ZSCAN18: variants seen among roughly 807,000 people sequenced by gnomAD.
The protein encoded by ZSCAN18 is zinc finger and SCAN domain containing 18.
A neutral mutation model predicts 31.1 loss-of-function variants in ZSCAN18; 16 were observed. The observed-to-expected ratio is 0.51, with a 90% CI of 0.35 to 0.78. The LOEUF (loss-of-function observed/expected upper bound fraction) is 0.78. Among genes scored for constraint, ZSCAN18 ranks in the 30% least tolerant of loss-of-function variants. The pLI, the probability that ZSCAN18 is intolerant of heterozygous loss-of-function variation, is 0.01. For missense variants in ZSCAN18, 731 were observed against 697.4 expected (o/e 1.05, Z -0.54); for synonymous variants, 375 against 320.7 (o/e 1.17, Z -1.81).
intron 3 of ZSCAN18, 45 bp downstream of exon 3, chr19:58,088,643 C>G: frequency 6.3e-7 from 1 of 1,588,200 alleles, no homozygotes; most frequent in South Asian, 1.1e-5. Context: ...GCCCAACACC[C>G]CACCTAAGGC....
Position 58,109,215 on chromosome 19 carries a change from T to G in ZSCAN18, c.130+9052A>C, listed in dbSNP as rs752975309. The G allele has an allele frequency of 7.3e-6, 9 of 1,231,574 alleles. No individual in the cohort carries two copies. In the South Asian group the frequency reaches 1.2e-4, roughly 17 times the overall value. The allele number at this position is 1,231,574 out of a possible 1,614,324, so 76.3% of individuals were successfully genotyped here. ...ATGCAGATAAAACAGGAATCATCCCTGATGAACCTTTTTATTTTCACCAAA... is the reference window on the plus strand; with the variant it reads ...ATGCAGATAAAACAGGAATCATCCCGGATGAACCTTTTTATTTTCACCAAA... On this transcript the variant is annotated intron_variant, in intron 1 of 1. Transcript: ENST00000595721.
upstream of ZSCAN18, chr19:58,098,348 A>C (rs2074562377): frequency 1.0e-6 from 1 of 985,498 alleles, no homozygotes; most frequent in African/African-American, 1.7e-5. Context: ...GACAGTGCGC[A>C]TGGCCAATCA....
chr19:58,091,569 CTG>C (rs761341926), intron 1 of ZSCAN18, among the ~76,000 whole-genome samples: 7 of 151,730 alleles, frequency 4.6e-5, no homozygotes, highest in Non-Finnish European at 1.0e-4. Context: ...ACCACAATGA[CTG>C]AGAGAGTTCA....
At chr19:58,097,754 C>G (rs2074547522) in intron 1 of ZSCAN18, among the ~76,000 whole-genome samples, 1 of 121,256 alleles carries the variant, frequency 8.2e-6, no homozygotes, top group African/African-American at 3.2e-5. Context: ...CCCCCTCCCC[C>G]TTTTCGCCCC....
Position 58,085,384 on chromosome 19 carries a change from A to G in ZSCAN18, c.839-5T>C. On this transcript the variant is annotated splice_polypyrimidine_tract_variant and splice_region_variant and intron_variant, in intron 6 of 6. Transcript: ENST00000601144. ...TCTCCTGCCGCCTCCCGCCTTCTGG[A>G]ACAAGGTCAGAGCCCTAGCGTGAGC... 1 of 1,586,222 alleles carries G rather than the reference A, an allele frequency of 6.3e-7. No individual in the cohort carries two copies. Among genetic ancestry groups the G allele is most frequent in the African/African-American group, 1.3e-5 (1 of 74,554 alleles).
intron 5 of ZSCAN18, 177 bp from the exon 6 acceptor site, chr19:58,086,443 G>A (rs996910264): frequency 9.4e-6 from 5 of 533,638 alleles, no homozygotes; most frequent in Non-Finnish European, 1.6e-5. Flanking sequence ...AGAAGAAGGC[G>A]AGGCTGGAAG....
Position 58,090,157 on chromosome 19 carries a change from G to C in ZSCAN18, c.111C>G (p.Ile37Met). 6.2e-7 allele frequency: 1 copy of C among 1,613,824 alleles called. No homozygotes were observed. The highest frequency in any genetic ancestry group is 8.5e-7 in the Non-Finnish European group (1 of 1,179,948). The change falls in exon 2 of 7, where the codon ATC becomes ATG. Residue 37 changes from isoleucine (I) to methionine (M), a missense_variant. By Grantham distance (10) the Ile-to-Met change is conservative. Around this residue, in one of 4 missense-constraint regions of ZSCAN18, gnomAD observed 86 missense variants for 119.1 expected, o/e 0.72. Transcript: ENST00000601144. The surrounding 1 kb of genome is among the most constrained non-coding windows in gnomAD (Gnocchi z 4.7). ...AGVQQEEPET[I>M]PERTPADLEF... ...CCAGGTCAGCAGGGGTCCTCTCAGG[G>C]ATGGTCTCGGGTTCTTCCTGCTGGA...
In ZSCAN18 at chr19:58,085,438, C is replaced by T. The variant is rs1404943903; in HGVS notation, c.839-59G>A. The T allele has an allele frequency of 5.6e-6, 8 of 1,417,414 alleles. No homozygotes were observed. In the Admixed American group the frequency reaches 2.0e-4, roughly 35 times the overall value. The allele number at this position is 1,417,414 out of a possible 1,614,324, so 87.8% of individuals were successfully genotyped here. On this transcript the variant is annotated intron_variant, in intron 6 of 6. Coordinates refer to ENST00000601144, the MANE Select transcript of ZSCAN18 (RefSeq NM_001145543.2). ...CCGCCCAGGGCCAGGGAGAGGAGGACCCAGCCGAGCCTCAGCTGCCGGAAC... is the reference window on the plus strand; with the variant it reads ...CCGCCCAGGGCCAGGGAGAGGAGGATCCAGCCGAGCCTCAGCTGCCGGAAC...
chr19:58,109,931 A>C (rs2074666636), intron 1 of ZSCAN18, among the ~76,000 whole-genome samples: 1 of 152,224 alleles, frequency 6.6e-6, no homozygotes. Flanking sequence ...ATTTTTAAAA[A>C]GGGACAGGTT....
At chr19:58,093,396 G>C (rs1407127443) in intron 1 of ZSCAN18, 1 of 152,146 alleles carries the variant, frequency 6.6e-6, no homozygotes, top group Non-Finnish European at 1.5e-5. Flanking sequence ...GGTCCTTTCT[G>C]ATCTATTTAA....
At chr19:58,098,050 T>TC in intron 1 of ZSCAN18, 124 bp downstream of exon 1, 1 of 985,242 alleles carries the variant, frequency 1.0e-6, no homozygotes, top group Non-Finnish European at 1.2e-6. Context: ...CAGCGGGGGC[T>TC]CGCACCCCAA....
At chr19:58,085,941 C>T (rs1028859954) in intron 6 of ZSCAN18, 2 of 537,268 alleles carry the variant, frequency 3.7e-6, no homozygotes, top group Non-Finnish European at 3.4e-6. Context: ...CAGATCCTGG[C>T]AACTAACACC....
chr19:58,102,992 T>G (rs937170654), upstream of ZSCAN18, among the ~76,000 whole-genome samples: 1 of 151,868 alleles, frequency 6.6e-6, no homozygotes, highest in Non-Finnish European at 1.5e-5. Flanking sequence ...TGTGGTGGTG[T>G]GCACCTCTAA....
At chr19:58,096,493 G>A (rs751886240) in intron 1 of ZSCAN18, among the ~76,000 whole-genome samples, 9 of 152,226 alleles carry the variant, frequency 5.9e-5, no homozygotes, top group African/African-American at 2.2e-4. Flanking sequence ...AGAGCTCCAC[G>A]GTGGGTGAGG....
intron 1 of ZSCAN18, among the ~76,000 whole-genome samples, chr19:58,114,708 T>C (rs1031731580): frequency 5.9e-5 from 9 of 152,158 alleles, no homozygotes; most frequent in Admixed American, 4.6e-4. Context: ...TACAGGCACA[T>C]AAAACAAATA....
chr19:58,091,040 TG>T (rs1316194284), intron 1 of ZSCAN18, among the ~76,000 whole-genome samples: 1 of 151,242 alleles, frequency 6.6e-6, no homozygotes, highest in East Asian at 2.0e-4. Flanking sequence ...AAGGCTGAGA[TG>T]GGTGGATAAC....
chr19:58,098,586 G>A (rs1329131978), upstream of ZSCAN18, among the ~76,000 whole-genome samples: 3 of 152,182 alleles, frequency 2.0e-5, no homozygotes, highest in African/African-American at 4.8e-5. Context: ...AGACGCCCTG[G>A]GGTCCCCGAA....
At chr19:58,105,361 CTTAT>C (rs1379823369) in intron 1 of ZSCAN18, among the ~76,000 whole-genome samples, 1 of 152,176 alleles carries the variant, frequency 6.6e-6, no homozygotes, top group African/African-American at 2.4e-5. Context: ...TTCCAGTCTT[CTTAT>C]TTAAGAATGC....
chr19:58,106,703 CAAAAAAA>C (rs1225360206), intron 1 of ZSCAN18, among the ~76,000 whole-genome samples: 3 of 1,876 alleles, frequency 1.6e-3, no homozygotes, highest in Admixed American at 8.3e-3. Context: ...GACTCCGTCT[CAAAAAAA>C]AAAAAAAAAA....
Sources: gnomAD v4.1 joint callset for allele counts (sites outside exome capture counted in the v4.1 genomes callset) on GRCh38, gnomAD v4.1.1 for gene constraint, gnomAD v4.1.1 regional missense constraint, Gnocchi (gnomAD v3.1) non-coding constraint, MANE v1.5 for transcripts, NCBI Gene and HGNC (gene_info 2026-07-23, HGNC 2026-07-21) for gene names.